Variants in CRYBG1 observed in about 807,000 individuals in gnomAD.
The protein encoded by CRYBG1 is beta/gamma crystallin domain-containing protein 1.
CRYBG1 carries 139 observed loss-of-function variants against 189.2 expected under a neutral mutation model. The ratio of observed to expected loss-of-function variants is 0.73; its 90% confidence interval spans 0.64 to 0.85. CRYBG1 has a LOEUF of 0.85. Among genes scored for constraint, CRYBG1 ranks in the 40% least tolerant of loss-of-function variants. The pLI is 0.00. For synonymous variants in CRYBG1, 1,023 were observed against 1,017.1 expected, an observed-to-expected ratio of 1.01 and a Z score of -0.11; for missense variants, 2,611 against 2,675.8, an observed-to-expected ratio of 0.98 and a Z score of 0.53.
rs537701453 is a variant in CRYBG1, at chr6:106,373,559, A to G, written c.173+12478A>G. 4.6e-5 allele frequency among the ~76,000 whole-genome samples: 7 copies of G among 152,240 alleles called. No individual in the cohort carries two copies. In the South Asian group the frequency reaches 1.5e-3, roughly 32 times the overall value. On this transcript the variant is annotated intron_variant, in intron 1 of 21. Coordinates refer to ENST00000633556, the MANE Select transcript of CRYBG1 (RefSeq NM_001371242.2). Reference sequence around the variant, plus strand: ...TAAATAATCTTTGTCTTTAGTACCCATTTCTCTCAAAACTGAGTTTTATTT... The same window carrying G: ...TAAATAATCTTTGTCTTTAGTACCCGTTTCTCTCAAAACTGAGTTTTATTT...
At chr6:106,557,703 G>A (rs1774586030) in intron 17 of CRYBG1, among the ~76,000 whole-genome samples, 1 of 152,192 alleles carries the variant, frequency 6.6e-6, no homozygotes, top group Admixed American at 6.5e-5. Context: ...AAAGTGCTGG[G>A]ATGACAGGCG....
At chr6:106,510,972 C>G (rs1773245470) in intron 2 of CRYBG1, among the ~76,000 whole-genome samples, 1 of 152,174 alleles carries the variant, frequency 6.6e-6, no homozygotes, top group African/African-American at 2.4e-5. Context: ...TTTCTTCGTC[C>G]TCCTTCCCTC....
At chr6:106,361,339 A>G (rs1771865761) in intron 1 of CRYBG1, among the ~76,000 whole-genome samples, 2 of 152,224 alleles carry the variant, frequency 1.3e-5, no homozygotes, top group African/African-American at 4.8e-5. Flanking sequence ...GTATGACTGC[A>G]AAGTTTTCAT....
chr6:106,407,918 GC>G (rs965092686), intron 1 of CRYBG1, among the ~76,000 whole-genome samples: 47 of 152,242 alleles, frequency 3.1e-4, no homozygotes, highest in African/African-American at 1.1e-3. Flanking sequence ...ACAAGAGAAA[GC>G]AAGAAAGATC....
intron 2 of CRYBG1, among the ~76,000 whole-genome samples, chr6:106,475,749 G>A (rs911548285): frequency 1.3e-5 from 2 of 152,158 alleles, no homozygotes; most frequent in African/African-American, 2.4e-5. Context: ...TCTGTGATTT[G>A]GACAGAACAA....
At position 106,520,339 on chromosome 6, in the gene CRYBG1, GTC is replaced by G. The variant is rs761741079; in HGVS notation, c.3132_3133del (p.Ser1044ArgfsTer10). On this transcript the variant is annotated frameshift_variant, in exon 4 of 22. Transcript: ENST00000633556. LOFTEE classifies it high-confidence loss of function. ...AAAACTCTGCCTATTCAGGCTCAAA[GTC>G]AGGGCAGCAGAACACCCCTGATGGC... 6.2e-7 allele frequency: 1 copy of G among 1,614,108 alleles called. No homozygotes were observed. The highest frequency in any genetic ancestry group is 1.7e-5 in the Admixed American group (1 of 60,008).
intron 1 of CRYBG1, among the ~76,000 whole-genome samples, chr6:106,449,698 T>C (rs1405516857): frequency 1.3e-5 from 2 of 152,200 alleles, no homozygotes; most frequent in East Asian, 1.9e-4. Flanking sequence ...TCCTGAGCTA[T>C]ATGTGTTTCT....
intron 2 of CRYBG1, among the ~76,000 whole-genome samples, chr6:106,480,454 G>A (rs7753714): frequency 0.013 from 2,028 of 151,190 alleles, 53 homozygotes; most frequent in African/African-American, 0.047. Context: ...CACGACGTCA[G>A]GAGATTGAGA....
chr6:106,521,584 A>G, intron 4 of CRYBG1, 131 bp downstream of exon 4: 4 of 1,102,782 alleles, frequency 3.6e-6, no homozygotes, highest in South Asian at 1.7e-5. Context: ...CATTCATCAC[A>G]TATTTGAAAA....
chr6:106,393,512 C>CT (rs1163936669), intron 1 of CRYBG1, among the ~76,000 whole-genome samples: 2 of 152,164 alleles, frequency 1.3e-5, no homozygotes, highest in Non-Finnish European at 2.9e-5. Context: ...TGTCTGAGCC[C>CT]TGCATGGGCA....
At chr6:106,539,264 C>A in intron 8 of CRYBG1, 139 bp from the exon 9 acceptor site, 1 of 930,446 alleles carries the variant, frequency 1.1e-6, no homozygotes, top group Non-Finnish European at 1.6e-6. Flanking sequence ...GTGATTCTAA[C>A]ACCTGAGTCC....
chr6:106,474,949 T>C (rs535751853), intron 2 of CRYBG1, among the ~76,000 whole-genome samples: 1 of 152,194 alleles, frequency 6.6e-6, no homozygotes, highest in South Asian at 2.1e-4. Flanking sequence ...GCCACCAATG[T>C]TGGGGGAAAA....
At chr6:106,394,545 G>A (rs1222866962) in intron 1 of CRYBG1, among the ~76,000 whole-genome samples, 2 of 152,164 alleles carry the variant, frequency 1.3e-5, no homozygotes, top group Non-Finnish European at 2.9e-5. Flanking sequence ...GAACATGAGG[G>A]CACATTGACT....
intron 10 of CRYBG1, 135 bp from the exon 11 acceptor site, chr6:106,543,305 C>A: frequency 3.8e-6 from 3 of 789,722 alleles, no homozygotes; most frequent in Non-Finnish European, 6.0e-6. Flanking sequence ...GCTGGGATAA[C>A]AGGCGTGAGC....
chr6:106,558,995 CCT>C lies in CRYBG1; in HGVS notation c.5855+375_5855+376del, dbSNP rs200375662. Reference sequence around the variant, plus strand: ...AAAAAAAAAATTGATCAGATTTCTCCCTCTCTTATATTATCTTAAACTAATTG... The same window carrying C: ...AAAAAAAAAATTGATCAGATTTCTCCCTCTTATATTATCTTAAACTAATTG... On this transcript the variant is annotated intron_variant, in intron 18 of 21. Coordinates refer to ENST00000633556, the MANE Select transcript of CRYBG1 (RefSeq NM_001371242.2). Among the ~76,000 whole-genome samples, 737 of 152,184 alleles carry C rather than the reference CCT, an allele frequency of 4.8e-3. 11 individuals are homozygous for C. Among genetic ancestry groups the C allele is most frequent in the African/African-American group, 0.016 (685 of 41,520 alleles).
rs1774794286 is a variant in CRYBG1 at position 106,563,791 on chromosome 6, G to A, written c.6166G>A (p.Val2056Met). 6.2e-7 allele frequency: 1 copy of A among 1,609,234 alleles called. No homozygotes were observed. The highest frequency in any genetic ancestry group is 8.5e-7 in the Non-Finnish European group (1 of 1,175,900). Residue 2056 changes from valine (V) to methionine (M), a missense_variant, in exon 21 of 22, where the codon GTG becomes ATG. Physicochemically the swap from Val to Met is conservative, Grantham distance 21 (BLOSUM62 1). This residue lies in a region of CRYBG1 where 1,622 missense variants were observed against 1,735.0 expected (regional missense o/e 0.93). Coordinates refer to ENST00000633556, the MANE Select transcript of CRYBG1 (RefSeq NM_001371242.2). ...AGCAGAAGACTGCTGCCTGACGATT[G>A]TGGGCAGCCTGGTAACATCTGGCTC... ...RIAEDCCLTI[V>M]GSLVTSGSKL...
At chr6:106,440,846 A>G (rs1771554464) in intron 1 of CRYBG1, among the ~76,000 whole-genome samples, 1 of 152,242 alleles carries the variant, frequency 6.6e-6, no homozygotes, top group African/African-American at 2.4e-5. Context: ...TATTCTTAAA[A>G]AGAGAATAAT....
At position 106,519,977 on chromosome 6, in the gene CRYBG1, G is replaced by A. The variant is rs746060532; in HGVS notation, c.2769G>A (p.Met923Ile). The A allele has an allele frequency of 8.7e-6, 14 of 1,614,038 alleles. No individual in the cohort carries two copies. Among genetic ancestry groups the A allele is most frequent in the East Asian group, 4.5e-5 (2 of 44,896 alleles). ...TGTCTCGTCAGAACAATGAGAAAAT[G>A]CCACTTTTAGAACTTGGAGGAGAAA... ...LPVSRQNNEKMPLLELGGETT... is the reference protein window; with the variant it reads ...LPVSRQNNEKIPLLELGGETT... The change falls in exon 4 of 22, where the codon ATG (methionine) becomes ATA (isoleucine). Residue 923 changes from methionine to isoleucine, a missense_variant. Coordinates refer to ENST00000633556, the MANE Select transcript of CRYBG1 (RefSeq NM_001371242.2).
intron 1 of CRYBG1, among the ~76,000 whole-genome samples, chr6:106,365,836 A>G (rs1333813992): frequency 6.6e-6 from 1 of 151,912 alleles, no homozygotes; most frequent in Admixed American, 6.6e-5. Flanking sequence ...GCCTTGTTTC[A>G]GTTGGAGGAA....
Sources: allele counts gnomAD v4.1 joint callset (sites outside exome capture counted in the v4.1 genomes callset), GRCh38; gene constraint gnomAD v4.1.1; regional missense constraint gnomAD v4.1.1; transcripts MANE v1.5; gene names NCBI Gene and HGNC (gene_info 2026-07-23, HGNC 2026-07-21).